Variants in ZNF532 observed in about 807,000 individuals in gnomAD.
ZNF532 encodes the protein zinc finger protein 532.
A neutral mutation model predicts 89.3 loss-of-function variants in ZNF532; 22 were observed. That is an observed-to-expected ratio of 0.25 (90% CI 0.18 to 0.35). The LOEUF (loss-of-function observed/expected upper bound fraction) is 0.35. ZNF532 is among the 10% of genes least tolerant of loss of function. The probability of loss-of-function intolerance (pLI) is 1.00; values close to 1 mark genes in which losing one functional copy is unlikely to be tolerated. For synonymous variants in ZNF532, 606 were observed against 649.6 expected (o/e 0.93, Z 1.02); for missense variants, 1,132 against 1,643.4 (o/e 0.69, Z 5.38).
intron 9 of ZNF532, among the ~76,000 whole-genome samples, chr18:58,981,952 T>C (rs1335169796): frequency 2.6e-4 from 34 of 132,790 alleles, no homozygotes; most frequent in African/African-American, 9.1e-4. Context: ...TGCAGTGAGC[T>C]GAGATCATGC....
chr18:58,937,058 A>G (rs371234915), intron 4 of ZNF532, among the ~76,000 whole-genome samples: 20 of 152,212 alleles, frequency 1.3e-4, no homozygotes, highest in Admixed American at 2.0e-4. Context: ...ATATATTGAT[A>G]AAAGTCAAAT....
intron 7 of ZNF532, among the ~76,000 whole-genome samples, chr18:58,959,199 G>A (rs921171949): frequency 6.7e-6 from 1 of 149,852 alleles, no homozygotes; most frequent in Admixed American, 6.7e-5. Context: ...CATATGTGCT[G>A]AATTACGGAA....
At chr18:58,979,400 T>TC in intron 8 of ZNF532, 1 of 263,934 alleles carries the variant, frequency 3.8e-6, no homozygotes, top group Non-Finnish European at 7.2e-6. Context: ...GTGTTTTTTT[T>TC]TTCCCGAGAC....
intron 7 of ZNF532, among the ~76,000 whole-genome samples, chr18:58,960,800 G>A (rs1213556076): frequency 1.3e-5 from 2 of 152,078 alleles, no homozygotes; most frequent in Non-Finnish European, 2.9e-5. Context: ...TTCCATCTTG[G>A]ATCAGATTTT....
chr18:58,963,002 A>G (rs1369183967), intron 7 of ZNF532, among the ~76,000 whole-genome samples: 1 of 152,114 alleles, frequency 6.6e-6, no homozygotes, highest in Non-Finnish European at 1.5e-5. Flanking sequence ...CTTGCTGCTG[A>G]TGCTCATTGC....
At chr18:58,901,102 C>CCTTCATACCATTCGGCCATTTCTA (rs2059573507) in intron 2 of ZNF532, among the ~76,000 whole-genome samples, 5 of 152,186 alleles carry the variant, frequency 3.3e-5, no homozygotes, top group Non-Finnish European at 5.9e-5. Context: ...ATAGTATTGA[C>CCTTCATACCATTCGGCCATTTCTA]CCATGGCCGA....
chr18:58,960,187 G>A (rs190673322), intron 7 of ZNF532, among the ~76,000 whole-genome samples: 365 of 152,206 alleles, frequency 2.4e-3, no homozygotes, highest in Middle Eastern at 6.8e-3. Context: ...GGGATTACAG[G>A]CATGAGCCAC....
At chr18:58,889,028 A>G (rs1030266560) in intron 2 of ZNF532, among the ~76,000 whole-genome samples, 2 of 146,350 alleles carry the variant, frequency 1.4e-5, no homozygotes, top group African/African-American at 5.1e-5. Flanking sequence ...TCTCAAATCT[A>G]AAAATCCAAA....
chr18:58,888,843 A>AAAAT (rs1568247831), intron 2 of ZNF532, among the ~76,000 whole-genome samples: 1 of 49,502 alleles, frequency 2.0e-5, no homozygotes, highest in Non-Finnish European at 3.1e-5. Context: ...TATATAATTT[A>AAAAT]TATATATATA....
chr18:58,934,881 C>T (rs2062244917), intron 4 of ZNF532, among the ~76,000 whole-genome samples: 1 of 152,116 alleles, frequency 6.6e-6, no homozygotes, highest in Non-Finnish European at 1.5e-5. Context: ...CTTTGACTGT[C>T]AGCTTTGACT....
intron 7 of ZNF532, among the ~76,000 whole-genome samples, chr18:58,957,862 G>A (rs2064948643): frequency 6.6e-6 from 1 of 152,126 alleles, no homozygotes; most frequent in East Asian, 1.9e-4. Flanking sequence ...TCAGGAGTTC[G>A]AGACCCCCCC....
chr18:58,894,453 G>A (rs1442668980), intron 2 of ZNF532, among the ~76,000 whole-genome samples: 13 of 143,140 alleles, frequency 9.1e-5, no homozygotes, highest in Non-Finnish European at 1.6e-4. Context: ...GGTGATAACA[G>A]CGAGACTCCA....
In ZNF532 at chr18:58,923,558, CT is replaced by C. The variant is rs1238439209; in HGVS notation, c.2346+2926del. The stretch of plus-strand genomic sequence containing the variant: ...TGGCCATGGGGGTTCTCGACCATTA[CT>C]GTTGCCTGGGGTGCTATCCAGCAGC... On this transcript the variant is annotated intron_variant, in intron 3 of 9. Coordinates refer to ENST00000591808, the MANE Select transcript of ZNF532 (RefSeq NM_001375912.1). Among the ~76,000 whole-genome samples the C allele has an allele frequency of 5.9e-5, 9 of 152,190 alleles. No individual in the cohort carries two copies. The South Asian group carries it at 1.2e-3, about 21-fold the overall frequency.
chr18:58,977,282 G>T (rs987891928), intron 7 of ZNF532, among the ~76,000 whole-genome samples: 3 of 152,150 alleles, frequency 2.0e-5, no homozygotes, highest in Non-Finnish European at 2.9e-5. Context: ...TTTCCTGAGC[G>T]ATGTGTCCCA....
intron 2 of ZNF532, among the ~76,000 whole-genome samples, chr18:58,907,407 A>C (rs2059998150): frequency 6.6e-6 from 1 of 152,030 alleles, no homozygotes; most frequent in South Asian, 2.1e-4. Flanking sequence ...GCTGGTCTTG[A>C]ACTCCTGACC....
At chr18:58,875,759 G>A (rs1194564974) in intron 2 of ZNF532, among the ~76,000 whole-genome samples, 2 of 152,102 alleles carry the variant, frequency 1.3e-5, no homozygotes, top group Admixed American at 6.5e-5. Context: ...ATCGACCCTA[G>A]ATTTGAACCA....
intron 2 of ZNF532, among the ~76,000 whole-genome samples, chr18:58,869,489 T>A (rs2056784031): frequency 6.6e-6 from 1 of 152,254 alleles, no homozygotes; most frequent in Non-Finnish European, 1.5e-5. Flanking sequence ...AATTTTTACA[T>A]TCAGGTTCAA....
At chr18:58,965,132 T>A (rs111831736) in intron 7 of ZNF532, among the ~76,000 whole-genome samples, 2 of 152,136 alleles carry the variant, frequency 1.3e-5, no homozygotes, top group Non-Finnish European at 2.9e-5. Flanking sequence ...GAACTTTTTT[T>A]AATGTAAGGC....
At chr18:58,892,523 C>T (rs1363659425) in intron 2 of ZNF532, among the ~76,000 whole-genome samples, 1 of 152,212 alleles carries the variant, frequency 6.6e-6, no homozygotes, top group Non-Finnish European at 1.5e-5. Flanking sequence ...GGAGGCCTCC[C>T]AGAGGCCTTT....
Sources: gnomAD v4.1 joint callset for allele counts (sites outside exome capture counted in the v4.1 genomes callset) on GRCh38, gnomAD v4.1.1 for gene constraint, MANE v1.5 for transcripts, NCBI Gene and HGNC (gene_info 2026-07-23, HGNC 2026-07-21) for gene names.